SPAG1: variants seen among roughly 807,000 people sequenced by gnomAD.
The protein encoded by SPAG1 is sperm-associated antigen 1.
SPAG1 carries 69 observed loss-of-function variants against 100.5 expected under a neutral mutation model. The observed-to-expected ratio is 0.69, with a 90% CI of 0.57 to 0.84. The LOEUF is 0.84. Ranked by LOEUF, SPAG1 falls within the 40% of genes least tolerant of loss-of-function variation. SPAG1 has a pLI of 0.00. For missense variants in SPAG1, 955 were observed against 1,133.1 expected, an observed-to-expected ratio of 0.84 and a Z score of 2.26; for synonymous variants, 336 against 411.6, an observed-to-expected ratio of 0.82 and a Z score of 2.22.
rs564098768 is a variant in SPAG1 at position 100,220,451 on chromosome 8, T to C, written c.1688+20T>C. 3.5e-5 allele frequency: 56 copies of C among 1,597,560 alleles called. No individual in the cohort carries two copies. In the East Asian group the frequency reaches 9.7e-4, roughly 28 times the overall value. On this transcript the variant is annotated intron_variant, in intron 13 of 18. Coordinates refer to ENST00000388798, the MANE Select transcript of SPAG1 (RefSeq NM_003114.5). ...TAACAGGTAATTAATCTGAGGCAGC[T>C]ACCTAAAATCTAGTTGTTTTATACT...
chr8:100,218,537 C>A lies in SPAG1; in HGVS notation c.1536-1742C>A, dbSNP rs535480567. On this transcript the variant is annotated intron_variant, in intron 12 of 18. Transcript: ENST00000388798. ...GGTACAGGTGACAGATCCTGATGCC[C>A]ACAGATCTATTTTCTAGTGTTGAAA... 5.9e-5 allele frequency among the ~76,000 whole-genome samples: 9 copies of A among 152,234 alleles called. 2 individuals carry two copies. The highest frequency in any genetic ancestry group is 1.9e-4 in the African/African-American group (8 of 41,536).
chr8:100,166,308 G>T (rs1815552918), intron 3 of SPAG1, among the ~76,000 whole-genome samples: 1 of 151,710 alleles, frequency 6.6e-6, no homozygotes, highest in Non-Finnish European at 1.5e-5. Context: ...GCCCAGGCTG[G>T]AGTGCAGTGG....
intron 10 of SPAG1, among the ~76,000 whole-genome samples, chr8:100,205,912 A>G (rs972377274): frequency 2.0e-5 from 3 of 150,688 alleles, no homozygotes; most frequent in Admixed American, 6.6e-5. Flanking sequence ...CCAGCTACTC[A>G]GGAGGCTGAG....
At chr8:100,205,827 C>T (rs889216527) in intron 10 of SPAG1, among the ~76,000 whole-genome samples, 7 of 151,312 alleles carry the variant, frequency 4.6e-5, no homozygotes, top group Non-Finnish European at 7.4e-5. Flanking sequence ...CCATCCTGGG[C>T]AACATGGTGA....
At chr8:100,158,927 T>C (rs1158525833) in intron 1 of SPAG1, 2 of 150,566 alleles carry the variant, frequency 1.3e-5, no homozygotes, top group African/African-American at 4.9e-5. Flanking sequence ...ATCCACCTCC[T>C]CGTTGTACTC....
chr8:100,159,968 A>G (rs1815233617), intron 1 of SPAG1, among the ~76,000 whole-genome samples: 2 of 152,218 alleles, frequency 1.3e-5, no homozygotes, highest in African/African-American at 4.8e-5. Context: ...GCTATGGCAC[A>G]TGGTAATTTA....
chr8:100,235,766 C>G (rs1283144885), intron 16 of SPAG1, among the ~76,000 whole-genome samples: 4 of 152,096 alleles, frequency 2.6e-5, no homozygotes, highest in African/African-American at 9.7e-5. Context: ...GACCCCCGTG[C>G]TGCCCTGTGA....
intron 3 of SPAG1, among the ~76,000 whole-genome samples, chr8:100,174,970 C>CTTTTTTTTTTTTT: frequency 7.3e-6 from 1 of 136,348 alleles, no homozygotes; most frequent in Non-Finnish European, 1.6e-5. Context: ...TATTTCATGG[C>CTTTTTTTTTTTTT]TTTTTTTTTT....
Position 100,241,651 on chromosome 8 carries a change from TA to T in SPAG1, c.*634del, listed in dbSNP as rs1393472799. On this transcript the variant is annotated 3_prime_UTR_variant, in exon 19 of 19. Transcript: ENST00000388798. The surrounding 1 kb of genome is among the most constrained non-coding windows in gnomAD (Gnocchi z 5.1). ...ATTTCTACCACTTTTTACTAGATTT[TA>T]AAAAGCTACTTTCTTTTATATTGCC... 2.6e-5 allele frequency: 4 copies of T among 152,212 alleles called. No individual in the cohort carries two copies. The allele number at this position is 152,212 out of a possible 1,614,324, so 9.4% of individuals were successfully genotyped here. A position where few individuals can be genotyped will look rare whatever the true frequency, so the allele number is the denominator to read the frequency against.
chr8:100,183,244 A>G lies in SPAG1; in HGVS notation c.427-131A>G, dbSNP rs549256058. The G allele has an allele frequency of 1.2e-5, 6 of 493,158 alleles. No individual in the cohort carries two copies. The South Asian group carries it at 1.5e-4, about 13-fold the overall frequency. The allele number at this position is 493,158 out of a possible 1,614,324, so 30.5% of individuals were successfully genotyped here. A position where few individuals can be genotyped will look rare whatever the true frequency, so the allele number is the denominator to read the frequency against. On this transcript the variant is annotated intron_variant, in intron 4 of 18. Transcript: ENST00000388798. ...CACCTCAGCCTCCCAAAGTGCTGGG[A>G]TTACAGGCGTGAGTCCCCGCACCTG... is the stretch of plus-strand genomic sequence containing the variant.
At chr8:100,172,346 G>A (rs1045614050) in intron 3 of SPAG1, among the ~76,000 whole-genome samples, 8 of 152,008 alleles carry the variant, frequency 5.3e-5, no homozygotes, top group Non-Finnish European at 1.2e-4. Flanking sequence ...GGCTGGGCAC[G>A]AGTGGCTCAT....
Position 100,231,241 on chromosome 8 carries a change from C to T in SPAG1, c.1941C>T (p.Ser647=), listed in dbSNP as rs774237828. 1.1e-5 allele frequency: 17 copies of T among 1,603,144 alleles called. No individual in the cohort carries two copies. The highest frequency in any genetic ancestry group is 4.0e-5 in the African/African-American group (3 of 74,628). The change falls in exon 15 of 19, where the codon AGC becomes AGT. Residue 647 remains serine (S), a synonymous_variant. Coordinates refer to ENST00000388798, the MANE Select transcript of SPAG1 (RefSeq NM_003114.5). ...KNYKDALSKY[S]ECLKINNKEC... is the part of the protein sequence containing the mutation. The stretch of plus-strand genomic sequence containing the variant: ...ATAAAGACGCCCTCAGTAAATACAG[C>T]GAATGCTTAAAGATTAACAATAAGG...
At chr8:100,233,334 T>C in intron 15 of SPAG1, 77 bp from the exon 16 acceptor site, 2 of 1,524,812 alleles carry the variant, frequency 1.3e-6, no homozygotes, top group Non-Finnish European at 1.8e-6. Flanking sequence ...TATTTTCTGA[T>C]TTTTCTTAGC....
Position 100,229,487 on chromosome 8 carries a change from C to T in SPAG1, c.1856-1669C>T, listed in dbSNP as rs368938035. 5.3e-5 allele frequency among the ~76,000 whole-genome samples: 8 copies of T among 152,296 alleles called. No individual in the cohort carries two copies. The East Asian group carries it at 1.2e-3, about 22-fold the overall frequency. ...ATGAGGAAGTACATTTCCCCAAGGCCCAGGCTTTTTAATCTGTTATTCTGT... is the reference window on the plus strand; with the variant it reads ...ATGAGGAAGTACATTTCCCCAAGGCTCAGGCTTTTTAATCTGTTATTCTGT... On this transcript the variant is annotated intron_variant, in intron 14 of 18. Coordinates refer to ENST00000388798, the MANE Select transcript of SPAG1 (RefSeq NM_003114.5).
At chr8:100,236,532 G>A (rs901432693) in intron 16 of SPAG1, among the ~76,000 whole-genome samples, 1 of 152,208 alleles carries the variant, frequency 6.6e-6, no homozygotes, top group African/African-American at 2.4e-5. Flanking sequence ...ACTGCAATGA[G>A]GAAGTGGCAC....
chr8:100,220,694 T>C (rs912592735), intron 13 of SPAG1, among the ~76,000 whole-genome samples: 1 of 152,210 alleles, frequency 6.6e-6, no homozygotes, highest in African/African-American at 2.4e-5. Flanking sequence ...GTATTTTTTT[T>C]TGGTCTTAGT....
chr8:100,201,541 ATG>A (rs140461263), intron 10 of SPAG1, among the ~76,000 whole-genome samples: 2,497 of 152,230 alleles, frequency 0.016, 33 homozygotes, highest in Non-Finnish European at 0.026. Context: ...GGTATTACAT[ATG>A]TGTGTGTGTA....
At chr8:100,205,813 G>A (rs1405491853) in intron 10 of SPAG1, among the ~76,000 whole-genome samples, 4 of 151,642 alleles carry the variant, frequency 2.6e-5, no homozygotes, top group African/African-American at 7.3e-5. Context: ...TCAAGAGATC[G>A]AGACCATCCT....
At chr8:100,195,969 A>G (rs1385433876) in intron 10 of SPAG1, among the ~76,000 whole-genome samples, 1 of 152,176 alleles carries the variant, frequency 6.6e-6, no homozygotes, top group Non-Finnish European at 1.5e-5. Context: ...TATAAATGGA[A>G]CTGGAAAGTA....
Sources: gnomAD v4.1 joint callset for allele counts (sites outside exome capture counted in the v4.1 genomes callset) on GRCh38, gnomAD v4.1.1 for gene constraint, Gnocchi (gnomAD v3.1) non-coding constraint, MANE v1.5 for transcripts, NCBI Gene and HGNC (gene_info 2026-07-23, HGNC 2026-07-21) for gene names.